CATSPERG: variants seen among roughly 807,000 people sequenced by gnomAD.
CATSPERG encodes the protein catsper channel auxiliary subunit gamma.
In CATSPERG, 115 loss-of-function variants were observed where a neutral mutation model predicts 145.0. That is an observed-to-expected ratio of 0.79 (90% CI 0.68 to 0.93). CATSPERG has a LOEUF of 0.93. Ranked by LOEUF, CATSPERG falls within the 40% of genes least tolerant of loss-of-function variation. CATSPERG has a pLI of 0.00. For synonymous variants in CATSPERG, 588 were observed against 589.0 expected (o/e 1.00, Z 0.02); for missense variants, 1,296 against 1,490.1 (o/e 0.87, Z 2.14).
intron 14 of CATSPERG, chr19:38,359,899 G>T: frequency 9.4e-7 from 1 of 1,068,916 alleles, no homozygotes; most frequent in Non-Finnish European, 1.1e-6. Context: ...GAGTGATCAG[G>T]GCTGCAATGG....
In CATSPERG at chr19:38,346,573, G is replaced by C; in HGVS notation, c.793G>C (p.Asp265His). The change falls in exon 7 of 29, where the codon GAC becomes CAC. Residue 265 changes from aspartate to histidine, a missense_variant. Coordinates refer to ENST00000409235, the MANE Select transcript of CATSPERG (RefSeq NM_021185.5). ...CAATGAGAAGTACGTCCTGATGACT[G>C]ACACCAGCTTCAAGGACTTCTCTCT... The part of the protein sequence containing the change: ...IPNEKYVLMT[D>H]TSFKDFSLVE... 1 of 1,551,536 alleles carries C rather than the reference G, an allele frequency of 6.4e-7. No individual in the cohort carries two copies. The highest frequency in any genetic ancestry group is 1.2e-5 in the South Asian group (1 of 84,056).
intron 7 of CATSPERG, chr19:38,349,642 GTTTT>G (rs113282965): frequency 0.018 from 2,729 of 151,998 alleles, 51 homozygotes; most frequent in Admixed American, 0.052. Context: ...GTTGCTCATT[GTTTT>G]TTTTTGTTTG....
In CATSPERG at chr19:38,344,718, T is replaced by G. The variant is rs529821253; in HGVS notation, c.669+350T>G. Among the ~76,000 whole-genome samples, 5 of 139,098 alleles carry G rather than the reference T, an allele frequency of 3.6e-5. No homozygotes were observed. In the South Asian group the frequency reaches 9.8e-4, roughly 27 times the overall value. The allele number at this position is 139,098 out of a possible 152,430, so 91.3% of individuals were successfully genotyped here. ...TGTACATACATATATAGTACATACC[T>G]GTACATACATATATAGTACATACCT... On this transcript the variant is annotated intron_variant, in intron 6 of 28. Transcript: ENST00000409235.
rs1189637066 is a variant in CATSPERG at position 38,358,143 on chromosome 19, T to G, written c.1316-135T>G. The G allele has an allele frequency of 5.1e-6, 4 of 777,186 alleles. No individual in the cohort carries two copies. In the African/African-American group the frequency reaches 7.0e-5, roughly 14 times the overall value. 48.1% of individuals were successfully genotyped at this position (777,186 alleles called of 1,614,324 possible). A position where few individuals can be genotyped will look rare whatever the true frequency, so the allele number is the denominator to read the frequency against. On this transcript the variant is annotated intron_variant, in intron 11 of 28. Transcript: ENST00000409235. ...GGGGGAAATAAAAGAAAAGAAACTC[T>G]AAGGACTAGCAAACCCGAGTGGGAA... is the stretch of plus-strand genomic sequence containing the variant.
chr19:38,342,157 C>G (rs1002851375), intron 3 of CATSPERG, among the ~76,000 whole-genome samples: 10 of 150,520 alleles, frequency 6.6e-5, no homozygotes, highest in African/African-American at 2.4e-4. Context: ...TGGAGGATTG[C>G]TTGAGGCCAA....
intron 25 of CATSPERG, 121 bp from the exon 26 acceptor site, chr19:38,367,927 C>A: frequency 1.7e-6 from 2 of 1,144,514 alleles, no homozygotes; most frequent in Non-Finnish European, 2.6e-6. Context: ...CAAACTCCTG[C>A]CCGCCCCTAA....
intron 20 of CATSPERG, among the ~76,000 whole-genome samples, chr19:38,363,509 T>TTA (rs1023797524): frequency 7.3e-6 from 1 of 137,918 alleles, no homozygotes; most frequent in African/African-American, 2.6e-5. Context: ...TTTTTTTTTT[T>TTA]ATTGATCATT....
intron 14 of CATSPERG, chr19:38,359,907 T>C: frequency 9.5e-7 from 1 of 1,049,638 alleles, no homozygotes; most frequent in Non-Finnish European, 1.2e-6. Context: ...AGGGCTGCAA[T>C]GGGGAAAATA....
At chr19:38,367,867 C>T in intron 25 of CATSPERG, 91 bp downstream of exon 25, 1 of 1,299,786 alleles carries the variant, frequency 7.7e-7, no homozygotes, top group Non-Finnish European at 1.1e-6. Flanking sequence ...CAAGCCCCCA[C>T]CTCTGCGTCT....
intron 7 of CATSPERG, among the ~76,000 whole-genome samples, chr19:38,351,347 G>A (rs542779297): frequency 1.3e-5 from 2 of 152,214 alleles, no homozygotes; most frequent in South Asian, 4.1e-4. Flanking sequence ...GGTGGCTTAC[G>A]CCTGTAATCC....
At position 38,357,162 on chromosome 19, in the gene CATSPERG, G is replaced by A. The variant is rs149512300; in HGVS notation, c.1315+301G>A. On this transcript the variant is annotated intron_variant, in intron 11 of 28. Coordinates refer to ENST00000409235, the MANE Select transcript of CATSPERG (RefSeq NM_021185.5). ...CGAGGGGTCAGAGGAGACAGGTCCTGTGCCTTAACAGGACTGTTTCCTCTC... is the reference window on the plus strand; with the variant it reads ...CGAGGGGTCAGAGGAGACAGGTCCTATGCCTTAACAGGACTGTTTCCTCTC... Among the ~76,000 whole-genome samples the A allele has an allele frequency of 8.5e-5, 13 of 152,254 alleles. No individual in the cohort carries two copies. In the East Asian group the frequency reaches 2.5e-3, roughly 29 times the overall value.
chr19:38,353,811 G>C (rs942282855), intron 8 of CATSPERG, among the ~76,000 whole-genome samples: 3 of 150,874 alleles, frequency 2.0e-5, no homozygotes, highest in African/African-American at 7.3e-5. Flanking sequence ...GGCCAATATG[G>C]TGAAACCCCG....
At position 38,352,419 on chromosome 19, in the gene CATSPERG, A is replaced by G. The variant is rs1176071128; in HGVS notation, c.984A>G (p.Arg328=). 1 of 1,551,216 alleles carries G rather than the reference A, an allele frequency of 6.4e-7. No individual in the cohort carries two copies. The highest frequency in any genetic ancestry group is 8.7e-7 in the Non-Finnish European group (1 of 1,147,060). The change falls in exon 8 of 29, where the codon AGA becomes AGG. Residue 328 remains arginine (R), a synonymous_variant. Transcript: ENST00000409235. ...GCACCTATACCACACTCTATGAGAG[A>G]AACCGCGGCAGTGGTGAGTGTGCTG... ...FTGTYTTLYE[R]NRGSGSWIRV...
At chr19:38,341,341 C>T (rs551968477) in intron 3 of CATSPERG, among the ~76,000 whole-genome samples, 2 of 152,230 alleles carry the variant, frequency 1.3e-5, no homozygotes, top group Admixed American at 6.5e-5. Context: ...CAGGAGATGA[C>T]GGGGACAGGA....
intron 1 of CATSPERG, chr19:38,336,306 T>C (rs1969835014): frequency 2.4e-6 from 1 of 424,608 alleles, no homozygotes; most frequent in Non-Finnish European, 4.8e-6. Context: ...GAAGAGACAG[T>C]TTTCATCGAG....
chr19:38,362,309 C>T (rs752143312), intron 18 of CATSPERG, 37 bp downstream of exon 18: 205 of 1,613,274 alleles, frequency 1.3e-4, no homozygotes, highest in Non-Finnish European at 1.6e-4. Context: ...AAAGGGGCGG[C>T]GCCCGGACAC....
rs1395388937 is a variant in CATSPERG, at chr19:38,337,583, C to T, written c.271-10C>T. 2 of 1,551,818 alleles carry T rather than the reference C, an allele frequency of 1.3e-6. No individual in the cohort carries two copies. Among genetic ancestry groups the T allele is most frequent in the South Asian group, 2.4e-5 (2 of 84,062 alleles). ...CATTTCTGGACGTGTGGCCTAACCT[C>T]TCTTTGCAGAAATACCTGGGCTTCC... On this transcript the variant is annotated splice_polypyrimidine_tract_variant and intron_variant, in intron 2 of 28. Transcript: ENST00000409235.
intron 6 of CATSPERG, 31 bp from the exon 7 acceptor site, chr19:38,346,419 T>C (rs1970042755): frequency 1.3e-6 from 2 of 1,497,806 alleles, no homozygotes; most frequent in Non-Finnish European, 1.8e-6. Context: ...GTGGGGAGAG[T>C]GTTGGCGTCC....
intron 26 of CATSPERG, among the ~76,000 whole-genome samples, chr19:38,369,148 G>C (rs1226792511): frequency 6.6e-6 from 1 of 152,106 alleles, no homozygotes; most frequent in African/African-American, 2.4e-5. Context: ...TCATATATAG[G>C]GGCTCAGTAA....
Sources: allele counts gnomAD v4.1 joint callset (sites outside exome capture counted in the v4.1 genomes callset), GRCh38; gene constraint gnomAD v4.1.1; transcripts MANE v1.5; gene names NCBI Gene and HGNC (gene_info 2026-07-23, HGNC 2026-07-21).